DLG5: variants seen among roughly 807,000 people sequenced by gnomAD.
DLG5 encodes the protein disks large homolog 5.
DLG5 carries 48 observed loss-of-function variants against 189.8 expected under a neutral mutation model. That is an observed-to-expected ratio of 0.25 (90% CI 0.20 to 0.32). The LOEUF (loss-of-function observed/expected upper bound fraction) is 0.32, where lower values mean the gene tolerates loss of function less well. DLG5 is among the 10% of genes least tolerant of loss of function. The pLI is 1.00. For synonymous variants in DLG5, 1,016 were observed against 1,054.1 expected (o/e 0.96, Z 0.70); for missense variants, 2,160 against 2,544.7 (o/e 0.85, Z 3.25).
At chr10:77,793,120 T>C (rs947546405) in intron 31 of DLG5, 1 of 152,418 alleles carries the variant, frequency 6.6e-6, no homozygotes, top group Admixed American at 6.5e-5. Context: ...CAGGACGTCG[T>C]AATTTTATGT....
At chr10:77,820,294 C>A in intron 15 of DLG5, 1 of 351,234 alleles carries the variant, frequency 2.8e-6, no homozygotes, top group Non-Finnish European at 5.2e-6. Context: ...TGCAGTGAGC[C>A]AAGACTGCAC....
intron 11 of DLG5, 103 bp from the exon 12 acceptor site, chr10:77,829,633 C>T: frequency 7.5e-7 from 1 of 1,335,600 alleles, no homozygotes; most frequent in Admixed American, 2.3e-5. Flanking sequence ...GAGTGGGTGC[C>T]TCACATACAC....
intron 9 of DLG5, among the ~76,000 whole-genome samples, chr10:77,833,546 AGTG>A (rs1842976722): frequency 2.2e-4 from 3 of 13,798 alleles, no homozygotes; most frequent in African/African-American, 1.2e-3. Flanking sequence ...AATCTCTGCG[AGTG>A]AGTGAGTGAG....
chr10:77,802,174 G>A (rs973947958), intron 27 of DLG5, among the ~76,000 whole-genome samples: 1 of 152,172 alleles, frequency 6.6e-6, no homozygotes, highest in Admixed American at 6.5e-5. Flanking sequence ...TGGACTTCTG[G>A]CCTCCAGAAC....
intron 1 of DLG5, among the ~76,000 whole-genome samples, chr10:77,925,823 G>A (rs1471151208): frequency 2.6e-5 from 4 of 152,296 alleles, no homozygotes; most frequent in East Asian, 3.9e-4. Context: ...CCTGGCCCAA[G>A]TCCCATTCTT....
chr10:77,864,606 G>A lies in DLG5; in HGVS notation c.373+4523C>T, dbSNP rs148936493. On this transcript the variant is annotated intron_variant, in intron 2 of 31. Coordinates refer to ENST00000372391, the MANE Select transcript of DLG5 (RefSeq NM_004747.4). ...AGACCCACTGAATCAGAAACCCTGGGAGTAAGTCCCTGCAGCACTCCGTGT... is the reference window on the plus strand; with the variant it reads ...AGACCCACTGAATCAGAAACCCTGGAAGTAAGTCCCTGCAGCACTCCGTGT... Among the ~76,000 whole-genome samples, 687 of 152,350 alleles carry A rather than the reference G, an allele frequency of 4.5e-3. 7 individuals carry two copies. Among genetic ancestry groups the A allele is most frequent in the Middle Eastern group, 0.02 (6 of 294 alleles).
intron 1 of DLG5, among the ~76,000 whole-genome samples, chr10:77,902,124 G>A (rs775546719): frequency 1.3e-5 from 2 of 152,138 alleles, no homozygotes; most frequent in African/African-American, 2.4e-5. Flanking sequence ...TCCCTTCCAG[G>A]ACAGGCTTGG....
At chr10:77,890,008 G>A (rs779097263) in intron 1 of DLG5, among the ~76,000 whole-genome samples, 6 of 152,048 alleles carry the variant, frequency 3.9e-5, no homozygotes, top group Non-Finnish European at 7.4e-5. Flanking sequence ...CAGCTGCTCT[G>A]ACCATACCTG....
chr10:77,853,611 G>C lies in DLG5; in HGVS notation c.681-74C>G, dbSNP rs549884690. 4.5e-5 allele frequency: 62 copies of C among 1,389,752 alleles called. No individual in the cohort carries two copies. In the African/African-American group the frequency reaches 8.5e-4, roughly 19 times the overall value. The allele number at this position is 1,389,752 out of a possible 1,614,324, so 86.1% of individuals were successfully genotyped here. A position where few individuals can be genotyped will look rare whatever the true frequency, so the allele number is the denominator to read the frequency against. On this transcript the variant is annotated intron_variant, in intron 4 of 31. Coordinates refer to ENST00000372391, the MANE Select transcript of DLG5 (RefSeq NM_004747.4). Reference sequence around the variant, plus strand: ...CCCGCCCCACCCCAGGGCATCACCAGCCTCAGGTCCCAACACTTCCCGTAG... The same window carrying C: ...CCCGCCCCACCCCAGGGCATCACCACCCTCAGGTCCCAACACTTCCCGTAG...
intron 1 of DLG5, among the ~76,000 whole-genome samples, chr10:77,872,209 T>C (rs1218015362): frequency 6.6e-6 from 1 of 152,188 alleles, no homozygotes; most frequent in African/African-American, 2.4e-5. Context: ...AACGCTCCCC[T>C]CTTTCTTACT....
rs763229211 is a variant in DLG5 at position 77,843,682 on chromosome 10, C to T, written c.889G>A (p.Glu297Lys). ...GTGTCATACAGTTTGTTGAGAATCT[C>T]GGATGACCCGTTGTGCTTCAACACC... The part of the protein sequence containing the change: ...QQVLKHNGSS[E>K]ILNKLYDTAM... The change falls in exon 6 of 32, where the codon GAG (glutamate) becomes AAG (lysine). Residue 297 changes from glutamate to lysine, a missense_variant. Physicochemically the swap from Glu to Lys is moderately conservative, Grantham distance 56 (BLOSUM62 1). This residue lies in a region of DLG5 where 664 missense variants were observed against 838.5 expected (regional missense o/e 0.79). Coordinates refer to ENST00000372391, the MANE Select transcript of DLG5 (RefSeq NM_004747.4). 9 of 1,613,938 alleles carry T rather than the reference C, an allele frequency of 5.6e-6. No individual in the cohort carries two copies. The highest frequency in any genetic ancestry group is 1.3e-5 in the African/African-American group (1 of 74,856).
At chr10:77,936,477 G>C in the DLG5 span, among the ~76,000 whole-genome samples, 6 of 148,896 alleles carry the variant, frequency 4.0e-5, 1 homozygote, top group Admixed American at 2.0e-4. Flanking sequence ...AGGAATCTGA[G>C]AGAGGCCCAG....
In DLG5 at chr10:77,805,674, G is replaced by C; in HGVS notation, c.5155C>G (p.Leu1719Val). The C allele has an allele frequency of 3.7e-6, 6 of 1,609,238 alleles. No individual in the cohort carries two copies. Among genetic ancestry groups the C allele is most frequent in the Non-Finnish European group, 5.1e-6 (6 of 1,176,240 alleles). Residue 1719 changes from leucine to valine, a missense_variant, in exon 27 of 32, where the codon CTC (leucine) becomes GTC (valine). Leu to Val is a conservative substitution (Grantham distance 32). Transcript: ENST00000372391. ...LDAFSSDSIPLFEDSVSLAYQ... is the reference protein window; with the variant it reads ...LDAFSSDSIPVFEDSVSLAYQ... ...GAGCTCAGCCACTTGCCTTCAAAGA[G>C]TGGAATGGAGTCACTGGAAAAGGCA...
At chr10:77,860,315 G>C (rs971230937) in intron 2 of DLG5, among the ~76,000 whole-genome samples, 1 of 152,098 alleles carries the variant, frequency 6.6e-6, no homozygotes, top group African/African-American at 2.4e-5. Context: ...TTGTTTTTTT[G>C]AGACAGAGTT....
rs766039398 is a variant in DLG5, at chr10:77,854,215, G to A, written c.680+12C>T. 1.1e-5 allele frequency: 17 copies of A among 1,613,466 alleles called. 1 individual carries two copies. The Middle Eastern group carries it at 4.9e-4, about 47-fold the overall frequency. On this transcript the variant is annotated intron_variant, in intron 4 of 31. Transcript: ENST00000372391. Reference sequence around the variant, plus strand: ...GGGTGTTGGAGGCCCTGGCCAAGCAGGCCTCACTCACTGGTAGAAGTCAGT... The same window carrying A: ...GGGTGTTGGAGGCCCTGGCCAAGCAAGCCTCACTCACTGGTAGAAGTCAGT...
At chr10:77,919,404 A>G (rs1846467285) in intron 1 of DLG5, among the ~76,000 whole-genome samples, 1 of 151,780 alleles carries the variant, frequency 6.6e-6, no homozygotes, top group African/African-American at 2.4e-5. Context: ...ACCTCCTTGG[A>G]CCAAATGCCA....
At chr10:77,919,632 T>G (rs1846476955) in intron 1 of DLG5, among the ~76,000 whole-genome samples, 1 of 149,156 alleles carries the variant, frequency 6.7e-6, no homozygotes, top group African/African-American at 2.5e-5. Context: ...TTCCTCAGTA[T>G]TCTTTTGAGG....
At chr10:77,938,278 T>C in the DLG5 span, among the ~76,000 whole-genome samples, 453 of 152,070 alleles carry the variant, frequency 3.0e-3, no homozygotes, top group African/African-American at 9.4e-3. Flanking sequence ...ACCCTGTCTC[T>C]ACAAAAAGTA....
At position 77,853,233 on chromosome 10, in the gene DLG5, G is replaced by A. The variant is rs894940804; in HGVS notation, c.864+121C>T. On this transcript the variant is annotated intron_variant, in intron 5 of 31. Transcript: ENST00000372391. ...ATCTCTCACCTTGGTCTTCCAAAGC[G>A]CTGGGATCACAGATGTGAGCCAACG... The A allele has an allele frequency of 9.8e-6, 9 of 915,418 alleles. No homozygotes were observed. The South Asian group carries it at 2.1e-4, about 22-fold the overall frequency. 56.7% of individuals were successfully genotyped at this position (915,418 alleles called of 1,614,324 possible).
Sources: gnomAD v4.1 joint callset for allele counts (sites outside exome capture counted in the v4.1 genomes callset) on GRCh38, gnomAD v4.1.1 for gene constraint, gnomAD v4.1.1 regional missense constraint, MANE v1.5 for transcripts, NCBI Gene and HGNC (gene_info 2026-07-23, HGNC 2026-07-21) for gene names.